VPS13B: variants seen among roughly 807,000 people sequenced by gnomAD.
The protein encoded by VPS13B is vacuolar protein sorting 13 homolog B.
A neutral mutation model predicts 426.4 loss-of-function variants in VPS13B; 285 were observed. That is an observed-to-expected ratio of 0.67 (90% CI 0.61 to 0.74). The LOEUF (loss-of-function observed/expected upper bound fraction) is 0.74. Among genes scored for constraint, VPS13B ranks in the 30% least tolerant of loss-of-function variants. The pLI, the probability that VPS13B is intolerant of heterozygous loss-of-function variation, is 0.00. For missense variants in VPS13B, 4,537 were observed against 4,782.6 expected, an observed-to-expected ratio of 0.95 and a Z score of 1.51; for synonymous variants, 1,676 against 1,676.4, an observed-to-expected ratio of 1.00 and a Z score of 0.01.
chr8:99,047,169 T>G (rs948151503), intron 3 of VPS13B, among the ~76,000 whole-genome samples: 3 of 152,136 alleles, frequency 2.0e-5, no homozygotes, highest in Non-Finnish European at 4.4e-5. Flanking sequence ...GACTTTTTTT[T>G]GTTGGTAATT....
intron 36 of VPS13B, among the ~76,000 whole-genome samples, chr8:99,716,792 T>C (rs1832942450): frequency 6.6e-6 from 1 of 152,176 alleles, no homozygotes; most frequent in South Asian, 2.1e-4. Flanking sequence ...TCTGTTACTG[T>C]AGGAAATCAC....
chr8:99,155,745 G>A lies in VPS13B; in HGVS notation c.2014-804G>A, dbSNP rs575026047. 1.1e-4 allele frequency among the ~76,000 whole-genome samples: 16 copies of A among 152,182 alleles called. No individual in the cohort carries two copies. In the East Asian group the frequency reaches 2.3e-3, roughly 22 times the overall value. ...CATTTACCATCTTTGGCCAATACCC[G>A]CTAAAGGCCAATATTATTGTGACAA... On this transcript the variant is annotated intron_variant, in intron 14 of 61. Coordinates refer to ENST00000357162, the MANE Select transcript of VPS13B (RefSeq NM_152564.5).
At chr8:99,767,481 G>C (rs866398200) in intron 40 of VPS13B, among the ~76,000 whole-genome samples, 1 of 99,850 alleles carries the variant, frequency 1.0e-5, no homozygotes, top group African/African-American at 4.0e-5. Context: ...AGGTGACAAA[G>C]TGCAACTCTC....
At chr8:99,497,970 T>A (rs993057921) in intron 25 of VPS13B, among the ~76,000 whole-genome samples, 1 of 152,060 alleles carries the variant, frequency 6.6e-6, no homozygotes, top group Admixed American at 6.6e-5. Flanking sequence ...TGAATATCTA[T>A]GAAAAAAATA....
At position 99,234,497 on chromosome 8, in the gene VPS13B, G is replaced by T. The variant is rs368285312; in HGVS notation, c.2516-39701G>T. Reference sequence around the variant, plus strand: ...CCGCCCCGCCCCGACTCTACACGCCGGTAGGGAAGGGGCTTCCGCGGGGTT... The same window carrying T: ...CCGCCCCGCCCCGACTCTACACGCCTGTAGGGAAGGGGCTTCCGCGGGGTT... On this transcript the variant is annotated intron_variant, in intron 17 of 61. Transcript: ENST00000357162. 2.4e-3 allele frequency: 1,271 copies of T among 533,958 alleles called. 13 individuals are homozygous for T. The highest frequency in any genetic ancestry group is 0.013 in the South Asian group (863 of 65,854). The allele number at this position is 533,958 out of a possible 1,614,324, so 33.1% of individuals were successfully genotyped here.
intron 44 of VPS13B, among the ~76,000 whole-genome samples, chr8:99,812,839 A>G (rs1475163526): frequency 1.3e-5 from 2 of 152,266 alleles, no homozygotes; most frequent in South Asian, 2.1e-4. Context: ...CAATATCACT[A>G]TTCTTCTTGG....
At chr8:99,369,719 A>C (rs968143621) in intron 19 of VPS13B, among the ~76,000 whole-genome samples, 1 of 152,216 alleles carries the variant, frequency 6.6e-6, no homozygotes, top group African/African-American at 2.4e-5. Flanking sequence ...CATGGGCTAC[A>C]ATGTTGAAAC....
At chr8:99,292,749 A>G (rs1017786709) in intron 19 of VPS13B, among the ~76,000 whole-genome samples, 2 of 152,118 alleles carry the variant, frequency 1.3e-5, no homozygotes, top group East Asian at 1.9e-4. Flanking sequence ...GGGGCACACA[A>G]TATACCCCAT....
At chr8:99,096,470 T>C in intron 4 of VPS13B, 38 bp downstream of exon 4, 1 of 1,612,136 alleles carries the variant, frequency 6.2e-7, no homozygotes, top group Non-Finnish European at 8.5e-7. Context: ...AAATTTCAAT[T>C]TTTGGCCGGG....
chr8:99,214,109 C>T (rs1815262133), intron 17 of VPS13B, among the ~76,000 whole-genome samples: 1 of 152,192 alleles, frequency 6.6e-6, no homozygotes, highest in South Asian at 2.1e-4. Context: ...GACCTGACCA[C>T]TTGTCTCAAC....
At chr8:99,683,328 C>T (rs536601401) in intron 35 of VPS13B, among the ~76,000 whole-genome samples, 1 of 152,078 alleles carries the variant, frequency 6.6e-6, no homozygotes, top group Non-Finnish European at 1.5e-5. Flanking sequence ...TTTGGTTATT[C>T]TTGTTCCTTT....
Position 99,832,423 on chromosome 8 carries a change from C to A in VPS13B, c.9385C>A (p.Pro3129Thr). The A allele has an allele frequency of 1.3e-6, 2 of 1,574,056 alleles. No individual in the cohort carries two copies. Among genetic ancestry groups the A allele is most frequent in the Non-Finnish European group, 1.7e-6 (2 of 1,160,896 alleles). ...TAGCATTTGCCCAGGTGGAGAGCAG[C>A]CTGCTATGAAATCCAGCTCCCTTCC... is the stretch of plus-strand genomic sequence containing the variant. ...TFSICPGGEQ[P>T]AMKSSSLPCW... The change falls in exon 52 of 62, where the codon CCT becomes ACT. Residue 3129 changes from proline (P) to threonine (T), a missense_variant. Pro to Thr is a conservative substitution (Grantham distance 38, BLOSUM62 -1). Transcript: ENST00000357162.
chr8:99,205,975 A>G (rs901281074), intron 17 of VPS13B, among the ~76,000 whole-genome samples: 3 of 152,230 alleles, frequency 2.0e-5, no homozygotes, highest in Non-Finnish European at 2.9e-5. Context: ...AATAAATTAT[A>G]AAGGATAAAG....
At chr8:99,149,091 G>T (rs546280585) in intron 14 of VPS13B, among the ~76,000 whole-genome samples, 79 of 152,344 alleles carry the variant, frequency 5.2e-4, no homozygotes, top group Middle Eastern at 3.4e-3. Context: ...TCATGGCATG[G>T]ATTTGTGTAA....
intron 58 of VPS13B, among the ~76,000 whole-genome samples, chr8:99,862,627 C>G (rs1476823308): frequency 3.9e-5 from 6 of 152,208 alleles, no homozygotes; most frequent in Admixed American, 3.9e-4. Flanking sequence ...GAATTTAAAA[C>G]TGTATTGCTT....
intron 19 of VPS13B, among the ~76,000 whole-genome samples, chr8:99,311,038 G>T (rs558363533): frequency 1.3e-5 from 2 of 152,018 alleles, no homozygotes. Context: ...ATTTTTTATT[G>T]TGTCTATTTG....
At chr8:99,369,754 A>G (rs971562957) in intron 19 of VPS13B, among the ~76,000 whole-genome samples, 4 of 152,220 alleles carry the variant, frequency 2.6e-5, no homozygotes, top group Admixed American at 2.6e-4. Context: ...GTCATCAAAT[A>G]TGAGGAGTTT....
At chr8:99,820,960 C>T (rs1258852275) in intron 49 of VPS13B, among the ~76,000 whole-genome samples, 1 of 151,670 alleles carries the variant, frequency 6.6e-6, no homozygotes, top group African/African-American at 2.4e-5. Flanking sequence ...ATGAAACCTT[C>T]AGTTTTTAAA....
chr8:99,748,692 G>A (rs1491003584), intron 39 of VPS13B, among the ~76,000 whole-genome samples: 1 of 151,360 alleles, frequency 6.6e-6, no homozygotes, highest in African/African-American at 2.4e-5. Flanking sequence ...CCTTTTTTTT[G>A]CATTCTACTT....
Sources: gnomAD v4.1 joint callset for allele counts (sites outside exome capture counted in the v4.1 genomes callset) on GRCh38, gnomAD v4.1.1 for gene constraint, MANE v1.5 for transcripts, NCBI Gene and HGNC (gene_info 2026-07-23, HGNC 2026-07-21) for gene names.